Variants in OLA1 observed in about 807,000 individuals in gnomAD.
The protein encoded by OLA1 is obg-like ATPase 1.
OLA1 carries 14 observed loss-of-function variants against 48.4 expected under a neutral mutation model. That is an observed-to-expected ratio of 0.29 (90% CI 0.19 to 0.45). The LOEUF (loss-of-function observed/expected upper bound fraction) is 0.45, where lower values mean the gene tolerates loss of function less well. OLA1 is among the 20% of genes least tolerant of loss of function. The probability of loss-of-function intolerance (pLI) is 1.00; values close to 1 mark genes in which losing one functional copy is unlikely to be tolerated. For synonymous variants in OLA1, 127 were observed against 150.4 expected, an observed-to-expected ratio of 0.84 and a Z score of 1.14; for missense variants, 325 against 467.1, an observed-to-expected ratio of 0.70 and a Z score of 2.80.
At chr2:174,244,560 T>A (rs890844608) in intron 2 of OLA1, among the ~76,000 whole-genome samples, 2 of 152,168 alleles carry the variant, frequency 1.3e-5, no homozygotes, top group African/African-American at 2.4e-5. Context: ...GCAATGTAAA[T>A]GATAGGTAAA....
chr2:174,181,345 A>C (rs1687530893), intron 4 of OLA1, among the ~76,000 whole-genome samples: 1 of 152,176 alleles, frequency 6.6e-6, no homozygotes, highest in African/African-American at 2.4e-5. Flanking sequence ...AAAGAAATGA[A>C]ACAGTAGCTG....
intron 9 of OLA1, 126 bp from the exon 10 acceptor site, chr2:174,079,216 A>G: frequency 1.5e-6 from 1 of 686,384 alleles, no homozygotes; most frequent in East Asian, 2.9e-5. Flanking sequence ...TTAAGATGTC[A>G]GGTATATAAT....
intron 4 of OLA1, among the ~76,000 whole-genome samples, chr2:174,168,518 A>G (rs1294137280): frequency 2.6e-5 from 4 of 152,238 alleles, no homozygotes; most frequent in African/African-American, 9.6e-5. Context: ...TAATGCTATC[A>G]GAAAACAAGT....
At chr2:174,204,167 C>T (rs1055186081) in intron 4 of OLA1, among the ~76,000 whole-genome samples, 1 of 151,700 alleles carries the variant, frequency 6.6e-6, no homozygotes, top group East Asian at 2.0e-4. Context: ...TTTGGGAGGC[C>T]GAGGCGGGCG....
intron 4 of OLA1, among the ~76,000 whole-genome samples, chr2:174,192,256 T>G (rs868640066): frequency 6.6e-6 from 1 of 152,194 alleles, no homozygotes. Context: ...TTTCAGATTT[T>G]GGATTTATTT....
chr2:174,168,184 A>C (rs897308552), intron 4 of OLA1, among the ~76,000 whole-genome samples: 4 of 152,224 alleles, frequency 2.6e-5, no homozygotes, highest in Non-Finnish European at 5.9e-5. Context: ...AGCTAGGGAA[A>C]CTGTAGCGAT....
At chr2:174,224,659 G>T (rs1688577444) in intron 3 of OLA1, among the ~76,000 whole-genome samples, 1 of 152,124 alleles carries the variant, frequency 6.6e-6, no homozygotes, top group South Asian at 2.1e-4. Context: ...TTACTGGAGG[G>T]GGTGTAGGAG....
chr2:174,230,796 C>A (rs921661250), intron 2 of OLA1, among the ~76,000 whole-genome samples: 1 of 152,202 alleles, frequency 6.6e-6, no homozygotes, highest in Non-Finnish European at 1.5e-5. Flanking sequence ...TAGAAGCTAA[C>A]AGCAGTCCAA....
intron 7 of OLA1, among the ~76,000 whole-genome samples, chr2:174,108,175 G>A (rs1177716767): frequency 2.6e-5 from 4 of 151,988 alleles, no homozygotes; most frequent in African/African-American, 4.8e-5. Context: ...CAGTGATTTG[G>A]TTTTTTTGGA....
chr2:174,177,943 G>T (rs1687454229), intron 4 of OLA1, among the ~76,000 whole-genome samples: 3 of 151,744 alleles, frequency 2.0e-5, no homozygotes, highest in South Asian at 4.2e-4. Flanking sequence ...TAAAAGGAAA[G>T]AATAGATCTC....
intron 5 of OLA1, among the ~76,000 whole-genome samples, chr2:174,133,446 C>T (rs1347232274): frequency 3.3e-5 from 5 of 152,168 alleles, no homozygotes; most frequent in Admixed American, 6.5e-5. Flanking sequence ...CTGCAACCTC[C>T]GCCTCTCAGG....
At chr2:174,241,350 T>C (rs1688996536) in intron 2 of OLA1, among the ~76,000 whole-genome samples, 1 of 152,262 alleles carries the variant, frequency 6.6e-6, no homozygotes, top group African/African-American at 2.4e-5. Context: ...AATGGTTTGC[T>C]ACACATCAAC....
At chr2:174,176,011 G>A (rs1687413359) in intron 4 of OLA1, among the ~76,000 whole-genome samples, 1 of 152,048 alleles carries the variant, frequency 6.6e-6, no homozygotes, top group African/African-American at 2.4e-5. Flanking sequence ...AGATCAGTGA[G>A]TACTTAAGCA....
intron 4 of OLA1, among the ~76,000 whole-genome samples, chr2:174,218,281 T>A (rs1284547747): frequency 3.9e-5 from 6 of 152,188 alleles, no homozygotes; most frequent in African/African-American, 9.7e-5. Flanking sequence ...GACCCTCCGA[T>A]AAATGAAGAC....
intron 4 of OLA1, among the ~76,000 whole-genome samples, chr2:174,202,539 C>A (rs1688014302): frequency 6.6e-6 from 1 of 152,038 alleles, no homozygotes; most frequent in Non-Finnish European, 1.5e-5. Flanking sequence ...ACCATGGGAG[C>A]CATACCAAGT....
At chr2:174,114,514 T>C (rs539093818) in intron 7 of OLA1, among the ~76,000 whole-genome samples, 1 of 152,230 alleles carries the variant, frequency 6.6e-6, no homozygotes, top group East Asian at 1.9e-4. Flanking sequence ...AAAAATCTTT[T>C]AAAATTTCAT....
chr2:174,196,182 T>G (rs1047447975), intron 4 of OLA1, among the ~76,000 whole-genome samples: 1 of 152,058 alleles, frequency 6.6e-6, no homozygotes, highest in Admixed American at 6.5e-5. Context: ...TTGTTCCTTT[T>G]TAACAGAAGA....
chr2:174,221,201 T>C (rs1337643329), intron 4 of OLA1, among the ~76,000 whole-genome samples: 1 of 152,202 alleles, frequency 6.6e-6, no homozygotes, highest in African/African-American at 2.4e-5. Context: ...TTTCCTTCCT[T>C]AATGATGGTA....
rs929789302 is a variant in OLA1, at chr2:174,073,320, A to C, written c.*2106T>G. The stretch of plus-strand genomic sequence containing the variant: ...CTGGCCTCAAATCTCTTTTAACCAT[A>C]AATTTGATTAAGATGGAGCTACAGA... On this transcript the variant is annotated 3_prime_UTR_variant, in exon 11 of 11. Coordinates refer to ENST00000284719, the MANE Select transcript of OLA1 (RefSeq NM_013341.5). The C allele has an allele frequency of 6.6e-6, 1 of 152,120 alleles. No individual in the cohort carries two copies. The highest frequency in any genetic ancestry group is 1.5e-5 in the Non-Finnish European group (1 of 68,016). The allele number at this position is 152,120 out of a possible 1,614,324, so 9.4% of individuals were successfully genotyped here.
Sources: gnomAD v4.1 joint callset for allele counts (sites outside exome capture counted in the v4.1 genomes callset) on GRCh38, gnomAD v4.1.1 for gene constraint, MANE v1.5 for transcripts, NCBI Gene and HGNC (gene_info 2026-07-23, HGNC 2026-07-21) for gene names.